Variants in CORO2B observed in about 807,000 individuals in gnomAD.
CORO2B encodes the protein coronin-2B.
A neutral mutation model predicts 58.8 loss-of-function variants in CORO2B; 26 were observed. That is an observed-to-expected ratio of 0.44 (90% CI 0.32 to 0.61). The LOEUF (loss-of-function observed/expected upper bound fraction) is 0.61, where lower values mean the gene tolerates loss of function less well. Among genes scored for constraint, CORO2B ranks in the 20% least tolerant of loss-of-function variants. The pLI is 0.04. For missense variants in CORO2B, 460 were observed against 645.1 expected (o/e 0.71, Z 3.11); for synonymous variants, 242 against 253.8 (o/e 0.95, Z 0.44).
At chr15:68,703,325 A>G (rs1892705073) in intron 3 of CORO2B, among the ~76,000 whole-genome samples, 1 of 149,776 alleles carries the variant, frequency 6.7e-6, no homozygotes, top group Non-Finnish European at 1.5e-5. Flanking sequence ...TAATTTTTGT[A>G]TTTTTAGTAA....
intron 8 of CORO2B, among the ~76,000 whole-genome samples, chr15:68,717,332 C>A (rs1007158913): frequency 6.6e-6 from 1 of 151,242 alleles, no homozygotes; most frequent in Non-Finnish European, 1.5e-5. Flanking sequence ...AAAAAGATTT[C>A]TCTGGCTTCA....
chr15:68,686,840 C>T (rs1325892845), intron 2 of CORO2B, among the ~76,000 whole-genome samples: 1 of 151,048 alleles, frequency 6.6e-6, no homozygotes, highest in Non-Finnish European at 1.5e-5. Flanking sequence ...CGGAGGTCAC[C>T]GTGAGCCAAG....
the CORO2B span, among the ~76,000 whole-genome samples, chr15:68,566,602 C>T: frequency 6.6e-6 from 1 of 152,176 alleles, no homozygotes; most frequent in Non-Finnish European, 1.5e-5. Flanking sequence ...GGGCTGTTGC[C>T]TGTCCCCACA....
At chr15:68,538,193 T>C in the CORO2B span, among the ~76,000 whole-genome samples, 2 of 152,214 alleles carry the variant, frequency 1.3e-5, no homozygotes, top group Non-Finnish European at 2.9e-5. Flanking sequence ...ATCCCAATAA[T>C]TTTTTCCCTT....
At chr15:68,642,518 C>G (rs967748331) in intron 1 of CORO2B, among the ~76,000 whole-genome samples, 3 of 152,166 alleles carry the variant, frequency 2.0e-5, no homozygotes, top group Non-Finnish European at 4.4e-5. Flanking sequence ...TCTGTCTCCC[C>G]ACTAGGCTGG....
intron 1 of CORO2B, among the ~76,000 whole-genome samples, chr15:68,593,661 G>GTT (rs71455598): frequency 1.4e-5 from 2 of 144,292 alleles, no homozygotes; most frequent in African/African-American, 5.1e-5. Context: ...CTCTGGGTTT[G>GTT]TTTTTTTTTT....
At chr15:68,600,677 CCTAT>C (rs1224018533) in intron 1 of CORO2B, among the ~76,000 whole-genome samples, 1 of 152,164 alleles carries the variant, frequency 6.6e-6, no homozygotes, top group Non-Finnish European at 1.5e-5. Flanking sequence ...CTTTGCCTTC[CCTAT>C]CTAAGGAAGA....
Position 68,710,884 on chromosome 15 carries a change from A to T in CORO2B, c.483+3A>T. The T allele has an allele frequency of 6.3e-7, 1 of 1,594,844 alleles. No homozygotes were observed. The highest frequency in any genetic ancestry group is 8.6e-7 in the Non-Finnish European group (1 of 1,168,410). On this transcript the variant is annotated splice_donor_region_variant and intron_variant, in intron 4 of 11. Coordinates refer to ENST00000261861, the MANE Select transcript of CORO2B (RefSeq NM_006091.5). This position sits in a 1 kb window ranked among gnomAD's most constrained non-coding sequence, Gnocchi z 4.1. Reference sequence around the variant, plus strand: ...TCAGCGCTGGCTACGACTACAAGGTATGCAGTGGGCAGGCAGCTGGGTGGA... The same window carrying T: ...TCAGCGCTGGCTACGACTACAAGGTTTGCAGTGGGCAGGCAGCTGGGTGGA...
chr15:68,637,897 A>G (rs371081336), intron 1 of CORO2B, among the ~76,000 whole-genome samples: 1 of 152,326 alleles, frequency 6.6e-6, no homozygotes, highest in South Asian at 2.1e-4. Context: ...TGCTCATGTC[A>G]TCATCTAGAA....
At position 68,657,792 on chromosome 15, in the gene CORO2B, G is replaced by A. The variant is rs77620607; in HGVS notation, c.216+12432G>A. 3.9e-3 allele frequency among the ~76,000 whole-genome samples: 594 copies of A among 152,262 alleles called. 15 individuals are homozygous for A. The East Asian group carries it at 0.09, about 23-fold the overall frequency. On this transcript the variant is annotated intron_variant, in intron 2 of 11. Coordinates refer to ENST00000261861, the MANE Select transcript of CORO2B (RefSeq NM_006091.5). ...ACATTTATACACGAAAGAAATGTGA[G>A]GTTTCAGTTAGAGGCTAGTGAAAAT... is the stretch of plus-strand genomic sequence containing the variant.
chr15:68,543,671 A>C, the CORO2B span, among the ~76,000 whole-genome samples: 1 of 152,060 alleles, frequency 6.6e-6, no homozygotes, highest in African/African-American at 2.4e-5. Context: ...CTTCCTTTGT[A>C]ATGACTCTTG....
At chr15:68,543,842 C>A in the CORO2B span, among the ~76,000 whole-genome samples, 1 of 152,148 alleles carries the variant, frequency 6.6e-6, no homozygotes, top group African/African-American at 2.4e-5. Flanking sequence ...CGGTGACTGC[C>A]AAACTGGGCA....
chr15:68,687,801 T>G (rs1364735602), intron 2 of CORO2B, among the ~76,000 whole-genome samples: 3 of 152,142 alleles, frequency 2.0e-5, no homozygotes, highest in Non-Finnish European at 4.4e-5. Context: ...GCAAGAGAGA[T>G]AGAGCAAGAG....
At chr15:68,541,828 C>G in the CORO2B span, among the ~76,000 whole-genome samples, 1 of 152,164 alleles carries the variant, frequency 6.6e-6, no homozygotes, top group African/African-American at 2.4e-5. Context: ...GAGGGAGACC[C>G]TTGGTGGCTC....
chr15:68,571,179 T>G, the CORO2B span, among the ~76,000 whole-genome samples: 1 of 152,172 alleles, frequency 6.6e-6, no homozygotes, highest in Non-Finnish European at 1.5e-5. Flanking sequence ...TCTGAGGAAT[T>G]TCCCTGTAAC....
chr15:68,551,216 C>A, the CORO2B span, among the ~76,000 whole-genome samples: 1 of 151,956 alleles, frequency 6.6e-6, no homozygotes, highest in Non-Finnish European at 1.5e-5. Flanking sequence ...AGAGGGGCCG[C>A]TCACAGGGCA....
chr15:68,523,826 T>C, the CORO2B span, among the ~76,000 whole-genome samples: 1 of 152,322 alleles, frequency 6.6e-6, no homozygotes, highest in East Asian at 1.9e-4. Context: ...GATGACCAGA[T>C]ATTGAGATCT....
At chr15:68,607,270 G>C (rs1900148169) in intron 1 of CORO2B, among the ~76,000 whole-genome samples, 1 of 151,310 alleles carries the variant, frequency 6.6e-6, no homozygotes, top group South Asian at 2.1e-4. Flanking sequence ...TTGAAGGCTG[G>C]ACTGGGCTGG....
chr15:68,608,485 C>A (rs115379469), intron 1 of CORO2B, among the ~76,000 whole-genome samples: 19 of 152,356 alleles, frequency 1.2e-4, no homozygotes, highest in African/African-American at 4.6e-4. Context: ...CCTCAGGGAG[C>A]CCCCATCCAC....
Sources: allele counts gnomAD v4.1 joint callset (sites outside exome capture counted in the v4.1 genomes callset), GRCh38; gene constraint gnomAD v4.1.1; non-coding constraint Gnocchi (gnomAD v3.1); transcripts MANE v1.5; gene names NCBI Gene and HGNC (gene_info 2026-07-23, HGNC 2026-07-21).